Variants in ZNF567 observed in about 807,000 individuals in gnomAD.
The protein encoded by ZNF567 is zinc finger protein 567.
ZNF567 carries 36 observed loss-of-function variants against 53.9 expected under a neutral mutation model. The observed-to-expected ratio is 0.67, with a 90% CI of 0.51 to 0.88. ZNF567 has a LOEUF of 0.88. ZNF567 is among the 40% of genes least tolerant of loss of function. The probability of loss-of-function intolerance (pLI) is 0.00; values close to 1 mark genes in which losing one functional copy is unlikely to be tolerated. For synonymous variants in ZNF567, 224 were observed against 260.4 expected (o/e 0.86, Z 1.35); for missense variants, 619 against 764.7 (o/e 0.81, Z 2.25).
chr19:36,710,343 G>T, intron 3 of ZNF567, among the ~76,000 whole-genome samples: 1 of 109,984 alleles, frequency 9.1e-6, no homozygotes, highest in Non-Finnish European at 1.8e-5. Context: ...GTTAGTTTCT[G>T]TGATTGTCTT....
chr19:36,687,469 G>GA, upstream of ZNF567: 1 of 152,324 alleles, frequency 6.6e-6, no homozygotes, highest in Non-Finnish European at 1.5e-5. Flanking sequence ...ATCAAAGTTC[G>GA]AAAACCGCCC....
chr19:36,697,071 A>AT (rs746449338), intron 3 of ZNF567, among the ~76,000 whole-genome samples: 17 of 152,242 alleles, frequency 1.1e-4, no homozygotes, highest in African/African-American at 3.9e-4. Context: ...TAAAATGCTT[A>AT]TAACAGTTTA....
chr19:36,696,529 A>G (rs534565153), intron 3 of ZNF567, among the ~76,000 whole-genome samples: 1 of 152,118 alleles, frequency 6.6e-6, no homozygotes, highest in Admixed American at 6.6e-5. Context: ...TTTTTTTCCA[A>G]TCTGGTTAGG....
chr19:36,686,391 AC>A (rs1204839187), upstream of ZNF567: 1 of 152,186 alleles, frequency 6.6e-6, no homozygotes, highest in African/African-American at 2.4e-5. Flanking sequence ...AATTATTGCC[AC>A]CACACGAGCT....
chr19:36,684,292 G>A (rs1046615492), upstream of ZNF567, among the ~76,000 whole-genome samples: 1 of 151,932 alleles, frequency 6.6e-6, no homozygotes, highest in Non-Finnish European at 1.5e-5. Flanking sequence ...GAAGTGATTT[G>A]GAATAAAGTG....
intron 5 of ZNF567, among the ~76,000 whole-genome samples, chr19:36,713,771 C>G (rs1015361198): frequency 6.6e-6 from 1 of 152,042 alleles, no homozygotes; most frequent in Admixed American, 6.5e-5. Context: ...CCTGTCTCTA[C>G]TAAAAATACA....
downstream of ZNF567, among the ~76,000 whole-genome samples, chr19:36,723,973 T>C (rs1346305013): frequency 6.6e-6 from 1 of 151,840 alleles, no homozygotes; most frequent in African/African-American, 2.4e-5. Flanking sequence ...TGAAACTGTC[T>C]ATGGCTGTAT....
intron 2 of ZNF567, among the ~76,000 whole-genome samples, chr19:36,692,080 G>C (rs3108560): frequency 3.9e-5 from 6 of 152,060 alleles, no homozygotes. Flanking sequence ...GTTGTTTCCA[G>C]TTCTGAGGTG....
chr19:36,712,649 T>A (rs1450050093), intron 4 of ZNF567, 132 bp from the exon 5 acceptor site: 15 of 1,412,626 alleles, frequency 1.1e-5, no homozygotes, highest in Non-Finnish European at 1.4e-5. Flanking sequence ...TGTCTTCACT[T>A]ACCCAGTGCA....
At chr19:36,697,603 GA>G (rs1252081128) in intron 3 of ZNF567, among the ~76,000 whole-genome samples, 1 of 151,004 alleles carries the variant, frequency 6.6e-6, no homozygotes, top group African/African-American at 2.4e-5. Flanking sequence ...ATAGGATTAG[GA>G]TTTTTTTTTC....
intron 3 of ZNF567, among the ~76,000 whole-genome samples, chr19:36,708,008 A>G (rs550899649): frequency 4.6e-5 from 7 of 151,910 alleles, no homozygotes; most frequent in South Asian, 2.1e-4. Context: ...CGATCCCCCC[A>G]CCTCAGTCTC....
At chr19:36,712,597 A>G in intron 4 of ZNF567, 85 bp downstream of exon 4, 1 of 1,568,288 alleles carries the variant, frequency 6.4e-7, no homozygotes, top group East Asian at 2.2e-5. Flanking sequence ...TTTCAGGAAT[A>G]AGAGGTGATG....
At chr19:36,703,298 A>C (rs2039308353) in intron 3 of ZNF567, among the ~76,000 whole-genome samples, 1 of 152,006 alleles carries the variant, frequency 6.6e-6, no homozygotes, top group African/African-American at 2.4e-5. Flanking sequence ...TTTGTCTCAG[A>C]GGAGTACCCG....
chr19:36,719,576 TC>T lies in ZNF567; in HGVS notation c.853del (p.Gln285AsnfsTer64). The part of the protein sequence containing the change: ...HSEEKPYQCH[Q>X]CGNAFRRKSY... ...CAGAAGAAAAACCCTATCAATGTCA[TC>T]AATGTGGAAATGCATTTAGAAGGAA... is the stretch of plus-strand genomic sequence containing the variant. On this transcript the variant is annotated frameshift_variant, in exon 6 of 6. Transcript: ENST00000682579. LOFTEE classifies it high-confidence loss of function. 1 of 1,614,138 alleles carries T rather than the reference TC, an allele frequency of 6.2e-7. No homozygotes were observed. The highest frequency in any genetic ancestry group is 8.5e-7 in the Non-Finnish European group (1 of 1,180,030).
At chr19:36,709,095 G>A (rs2039643729) in intron 3 of ZNF567, among the ~76,000 whole-genome samples, 1 of 152,146 alleles carries the variant, frequency 6.6e-6, no homozygotes, top group African/African-American at 2.4e-5. Context: ...GGTATTAGAA[G>A]GGTCTGTAGT....
chr19:36,698,229 C>T (rs1194311622), intron 3 of ZNF567, among the ~76,000 whole-genome samples: 2 of 151,972 alleles, frequency 1.3e-5, no homozygotes, highest in East Asian at 3.9e-4. Context: ...CCAATTTCAT[C>T]CATGTCCCTA....
At chr19:36,688,563 T>A (rs1451873703) in intron 1 of ZNF567, among the ~76,000 whole-genome samples, 2 of 151,666 alleles carry the variant, frequency 1.3e-5, no homozygotes, top group African/African-American at 4.8e-5. Context: ...ATCCCAGCAC[T>A]TTGGAAGGCT....
chr19:36,726,005 G>T (rs2040333984), downstream of ZNF567, among the ~76,000 whole-genome samples: 1 of 152,080 alleles, frequency 6.6e-6, no homozygotes, highest in African/African-American at 2.4e-5. Flanking sequence ...CTCTTGTTCA[G>T]ATTGGGTAGT....
At chr19:36,687,563 G>A (rs1464952888), upstream of ZNF567, 4 of 152,306 alleles carry the variant, frequency 2.6e-5, no homozygotes, top group African/African-American at 9.6e-5. Context: ...GCAGGAACGC[G>A]CCGCGGAGAC....
Sources: gnomAD v4.1 joint callset for allele counts (sites outside exome capture counted in the v4.1 genomes callset) on GRCh38, gnomAD v4.1.1 for gene constraint, MANE v1.5 for transcripts, NCBI Gene and HGNC (gene_info 2026-07-23, HGNC 2026-07-21) for gene names.